The following EZH1 variants were observed in gnomAD, a reference collection of about 807,000 sequenced individuals.
The protein encoded by EZH1 is histone-lysine N-methyltransferase EZH1.
Under a neutral mutation model 100.5 loss-of-function variants are expected in EZH1, and 33 were observed. The ratio of observed to expected loss-of-function variants is 0.33; its 90% CI spans 0.25 to 0.44. The LOEUF (loss-of-function observed/expected upper bound fraction) is 0.44, where lower values mean the gene tolerates loss of function less well. Among genes scored for constraint, EZH1 ranks in the 20% least tolerant of loss-of-function variants. The pLI is 1.00. For missense variants in EZH1, 475 were observed against 928.4 expected (o/e 0.51, Z 6.35); for synonymous variants, 272 against 313.8 (o/e 0.87, Z 1.41).
chr17:42,714,825 C>A (rs980301688), intron 10 of EZH1, among the ~76,000 whole-genome samples: 2 of 143,744 alleles, frequency 1.4e-5, no homozygotes, highest in Non-Finnish European at 1.5e-5. Context: ...TATACAGTAT[C>A]AATTATACTA....
chr17:42,709,084 T>C, intron 13 of EZH1, 168 bp from the exon 14 acceptor site: 1 of 678,228 alleles, frequency 1.5e-6, no homozygotes, highest in Non-Finnish European at 2.6e-6. Flanking sequence ...GAGTCCATCC[T>C]AAATCCAGCT....
In EZH1 at chr17:42,708,975, G is replaced by A. The variant is rs1036227377; in HGVS notation, c.1494-59C>T. The A allele has an allele frequency of 1.3e-5, 21 of 1,597,832 alleles. No individual in the cohort carries two copies. In the African/African-American group the frequency reaches 2.3e-4, roughly 17 times the overall value. On this transcript the variant is annotated intron_variant, in intron 13 of 20. Transcript: ENST00000428826. ...GGCCCTAGGGAGCTCTGCAAATGCA[G>A]GTAAATGACAACGTGACTTGCTCTG...
At chr17:42,740,090 T>TC (rs1458078450) in intron 1 of EZH1, among the ~76,000 whole-genome samples, 1 of 151,860 alleles carries the variant, frequency 6.6e-6, no homozygotes, top group Non-Finnish European at 1.5e-5. Flanking sequence ...TGAGAAAGGG[T>TC]CCCACTCTGC....
intron 1 of EZH1, among the ~76,000 whole-genome samples, chr17:42,734,563 G>A (rs1393853677): frequency 4.0e-5 from 6 of 151,750 alleles, no homozygotes; most frequent in African/African-American, 1.2e-4. Flanking sequence ...AGCTACTCAG[G>A]AGGCTGAGTT....
chr17:42,706,265 G>A lies in EZH1; in HGVS notation c.1661-80C>T, dbSNP rs1029664593. Reference sequence around the variant, plus strand: ...TGTGGTTGACTCAAGGGACAGCAAAGAAGTAAATTTTTTGTGTTCAAGGAT... The same window carrying A: ...TGTGGTTGACTCAAGGGACAGCAAAAAAGTAAATTTTTTGTGTTCAAGGAT... On this transcript the variant is annotated intron_variant, in intron 15 of 20. Transcript: ENST00000428826. The surrounding 1 kb of genome is among the most constrained non-coding windows in gnomAD (Gnocchi z 4.4). The A allele has an allele frequency of 3.0e-6, 4 of 1,314,422 alleles. No homozygotes were observed. The highest frequency in any genetic ancestry group is 1.5e-5 in the African/African-American group (1 of 67,216). 81.4% of individuals were successfully genotyped at this position (1,314,422 alleles called of 1,614,324 possible). A position where few individuals can be genotyped will look rare whatever the true frequency, so the allele number is the denominator to read the frequency against.
Position 42,733,795 on chromosome 17 carries a change from G to T in EZH1, c.-102-2877C>A, listed in dbSNP as rs199764776. 6.6e-5 allele frequency among the ~76,000 whole-genome samples: 10 copies of T among 151,726 alleles called. No individual in the cohort carries two copies. In the East Asian group the frequency reaches 2.0e-3, roughly 30 times the overall value. On this transcript the variant is annotated intron_variant, in intron 1 of 20. Transcript: ENST00000428826. Reference sequence around the variant, plus strand: ...TCTCTACTAAAAATACAAAAAATTAGCTAGGCATGGTGGCGGGTGCCTGTA... The same window carrying T: ...TCTCTACTAAAAATACAAAAAATTATCTAGGCATGGTGGCGGGTGCCTGTA...
In EZH1 at chr17:42,706,910, C is replaced by T. The variant is rs773845884; in HGVS notation, c.1661-725G>A. Among the ~76,000 whole-genome samples the T allele has an allele frequency of 1.3e-5, 2 of 152,120 alleles. No homozygotes were observed. The highest frequency in any genetic ancestry group is 1.9e-4 in the East Asian group (1 of 5,192). ...CTTCTCCACCCACTGCCCAACCCAG[C>T]GCAACCACTTCTCTGCTGCGGCTAA... On this transcript the variant is annotated intron_variant, in intron 15 of 20. Coordinates refer to ENST00000428826, the MANE Select transcript of EZH1 (RefSeq NM_001991.5). The surrounding 1 kb of genome is among the most constrained non-coding windows in gnomAD (Gnocchi z 4.4).
At chr17:42,733,873 G>A (rs2054008749) in intron 1 of EZH1, among the ~76,000 whole-genome samples, 1 of 149,110 alleles carries the variant, frequency 6.7e-6, no homozygotes, top group South Asian at 2.1e-4. Flanking sequence ...CACAGGAGGT[G>A]GAGGTTGCAG....
intron 6 of EZH1, 85 bp downstream of exon 6, chr17:42,722,710 T>G: frequency 7.0e-7 from 1 of 1,422,434 alleles, no homozygotes; most frequent in Non-Finnish European, 9.6e-7. Context: ...GGGCAGAAGA[T>G]AAAAGCAAGA....
intron 19 of EZH1, 101 bp from the exon 20 acceptor site, chr17:42,703,062 G>T (rs2053277402): frequency 2.7e-6 from 3 of 1,116,450 alleles, no homozygotes; most frequent in Non-Finnish European, 4.1e-6. Context: ...GTGAAAACAT[G>T]AATCAAATGG....
intron 11 of EZH1, 38 bp from the exon 12 acceptor site, chr17:42,712,523 G>T: frequency 6.3e-7 from 1 of 1,578,128 alleles, no homozygotes; most frequent in Non-Finnish European, 8.6e-7. Context: ...GAAGAAGGTA[G>T]AATGCAGTTG....
chr17:42,707,756 C>T (rs2053388803), intron 15 of EZH1, among the ~76,000 whole-genome samples: 1 of 151,618 alleles, frequency 6.6e-6, no homozygotes, highest in South Asian at 2.1e-4. Context: ...GTAATTGCTG[C>T]TTTTAGAATC....
intron 1 of EZH1, among the ~76,000 whole-genome samples, chr17:42,737,941 C>A (rs1214139476): frequency 6.6e-6 from 1 of 152,008 alleles, no homozygotes; most frequent in Non-Finnish European, 1.5e-5. Flanking sequence ...CTTTGGGAGG[C>A]CGAGACAGGC....
At position 42,718,652 on chromosome 17, in the gene EZH1, G is replaced by A. The variant is rs371224881; in HGVS notation, c.768-35C>T. The A allele has an allele frequency of 8.7e-6, 14 of 1,610,612 alleles. No individual in the cohort carries two copies. The highest frequency in any genetic ancestry group is 1.2e-5 in the Non-Finnish European group (14 of 1,177,794). ...AAAAGAGAGATAAGAGTTCCTCCGA[G>A]GAACTGCCTCCACTGAGGAAATACA... On this transcript the variant is annotated intron_variant, in intron 8 of 20. Coordinates refer to ENST00000428826, the MANE Select transcript of EZH1 (RefSeq NM_001991.5). This position sits in a 1 kb window ranked among gnomAD's most constrained non-coding sequence, Gnocchi z 4.2.
intron 13 of EZH1, among the ~76,000 whole-genome samples, chr17:42,709,375 C>A (rs1311370079): frequency 2.0e-5 from 3 of 152,154 alleles, no homozygotes; most frequent in African/African-American, 7.2e-5. Flanking sequence ...TCAGCTCCTT[C>A]CTCTGATAGG....
chr17:42,702,243 A>C lies in EZH1; in HGVS notation c.*289T>G, dbSNP rs2053256342. 2.8e-6 allele frequency: 1 copy of C among 357,012 alleles called. No homozygotes were observed. Among genetic ancestry groups the C allele is most frequent in the Non-Finnish European group, 5.1e-6 (1 of 196,096 alleles). The allele number at this position is 357,012 out of a possible 1,614,324, so 22.1% of individuals were successfully genotyped here. A position where few individuals can be genotyped will look rare whatever the true frequency, so the allele number is the denominator to read the frequency against. ...CTGGGGAGCCGACACGAAATCACGC[A>C]TAAGTCATCCACCCCAGCCTGTGCT... On this transcript the variant is annotated 3_prime_UTR_variant, in exon 21 of 21. Coordinates refer to ENST00000428826, the MANE Select transcript of EZH1 (RefSeq NM_001991.5).
chr17:42,702,706 G>T, intron 20 of EZH1, 114 bp from the exon 21 acceptor site: 1 of 1,296,818 alleles, frequency 7.7e-7, no homozygotes, highest in Non-Finnish European at 1.1e-6. Flanking sequence ...TGTTTACAAT[G>T]GTCCCACTTC....
intron 20 of EZH1, 38 bp from the exon 21 acceptor site, chr17:42,702,630 A>G: frequency 1.3e-6 from 2 of 1,538,190 alleles, no homozygotes; most frequent in African/African-American, 2.7e-5. Context: ...GGTTACTCTC[A>G]TGACTTTTGT....
In EZH1 at chr17:42,705,195, G is replaced by C. The variant is rs980905072; in HGVS notation, c.1840-12C>G. On this transcript the variant is annotated splice_polypyrimidine_tract_variant and intron_variant, in intron 16 of 20. Transcript: ENST00000428826. Reference sequence around the variant, plus strand: ...GCCAGCAGCAGGTGCTGGGGAAGAGGGGGCCAAGTCTCAGACTACAGGGTG... The same window carrying C: ...GCCAGCAGCAGGTGCTGGGGAAGAGCGGGCCAAGTCTCAGACTACAGGGTG... 6.2e-7 allele frequency: 1 copy of C among 1,602,204 alleles called. No homozygotes were observed. Among genetic ancestry groups the C allele is most frequent in the African/African-American group, 1.3e-5 (1 of 74,780 alleles).
Sources: allele counts gnomAD v4.1 joint callset (sites outside exome capture counted in the v4.1 genomes callset), GRCh38; gene constraint gnomAD v4.1.1; non-coding constraint Gnocchi (gnomAD v3.1); transcripts MANE v1.5; gene names NCBI Gene and HGNC (gene_info 2026-07-23, HGNC 2026-07-21).